Variants in COMMD10 observed in about 807,000 individuals in gnomAD.
The protein encoded by COMMD10 is COMM domain-containing protein 10.
COMMD10 carries 33 observed loss-of-function variants against 28.9 expected under a neutral mutation model. The observed-to-expected ratio is 1.14, with a 90% confidence interval of 0.87 to 1.53. The LOEUF (loss-of-function observed/expected upper bound fraction) is 1.53, where lower values mean the gene tolerates loss of function less well. Among genes scored for constraint, COMMD10 ranks in the 40% most tolerant of loss-of-function variants. The pLI, the probability that COMMD10 is intolerant of heterozygous loss-of-function variation, is 0.00. For missense variants in COMMD10, 310 were observed against 233.4 expected (o/e 1.33, Z -2.14); for synonymous variants, 110 against 81.7 (o/e 1.35, Z -1.87).
intron 5 of COMMD10, among the ~76,000 whole-genome samples, chr5:116,153,387 C>G (rs1020945705): frequency 1.3e-5 from 2 of 151,984 alleles, no homozygotes; most frequent in African/African-American, 2.4e-5. Context: ...CTCATTGTTT[C>G]TTCTGTGGAT....
At chr5:116,118,798 T>A (rs762510487) in intron 4 of COMMD10, among the ~76,000 whole-genome samples, 7 of 152,170 alleles carry the variant, frequency 4.6e-5, no homozygotes, top group Non-Finnish European at 7.3e-5. Flanking sequence ...AGAAATCAAT[T>A]TAAAAATCTT....
At position 116,216,025 on chromosome 5, in the gene COMMD10, T is replaced by C. The variant is rs139479113; in HGVS notation, c.511-75492T>C. ...GGGAAAGGAAAGGCCTTATCATTTA[T>C]AGAATTTGATATCAGGGAACAGTTG... On this transcript the variant is annotated intron_variant, in intron 5 of 6. Coordinates refer to ENST00000274458, the MANE Select transcript of COMMD10 (RefSeq NM_016144.4). 5.1e-4 allele frequency among the ~76,000 whole-genome samples: 77 copies of C among 152,226 alleles called. 4 individuals carry two copies. The East Asian group carries it at 0.012, about 24-fold the overall frequency.
At chr5:116,107,112 T>A (rs1023253622) in intron 4 of COMMD10, among the ~76,000 whole-genome samples, 2 of 152,140 alleles carry the variant, frequency 1.3e-5, no homozygotes, top group African/African-American at 4.8e-5. Context: ...CCTTAACATT[T>A]TTTCCTTTAT....
chr5:116,250,047 C>G (rs1479331704), intron 5 of COMMD10, among the ~76,000 whole-genome samples: 1 of 151,420 alleles, frequency 6.6e-6, no homozygotes, highest in East Asian at 1.9e-4. Flanking sequence ...ATTTATATTC[C>G]CTCAAACTTC....
At chr5:116,288,650 T>G (rs1357538705) in intron 5 of COMMD10, among the ~76,000 whole-genome samples, 1 of 151,764 alleles carries the variant, frequency 6.6e-6, no homozygotes, top group Non-Finnish European at 1.5e-5. Context: ...TTTTCTCCTC[T>G]GCTCAGTGAT....
At chr5:116,211,715 C>T (rs926325179) in intron 5 of COMMD10, among the ~76,000 whole-genome samples, 1 of 151,962 alleles carries the variant, frequency 6.6e-6, no homozygotes, top group Non-Finnish European at 1.5e-5. Flanking sequence ...AAGTAGATTC[C>T]AAAAAGCAAA....
intron 5 of COMMD10, among the ~76,000 whole-genome samples, chr5:116,224,593 CA>C (rs1749345154): frequency 6.6e-6 from 1 of 152,088 alleles, no homozygotes; most frequent in African/African-American, 2.4e-5. Context: ...TTTAAACAAC[CA>C]GATCTCATAT....
intron 5 of COMMD10, among the ~76,000 whole-genome samples, chr5:116,267,245 CAA>C (rs560057601): frequency 1.9e-4 from 29 of 152,024 alleles, no homozygotes; most frequent in African/African-American, 6.5e-4. Context: ...GCAACTTCAG[CAA>C]AGTCTCAGGA....
At chr5:116,284,787 T>C (rs1751174609) in intron 5 of COMMD10, among the ~76,000 whole-genome samples, 4 of 151,898 alleles carry the variant, frequency 2.6e-5, no homozygotes, top group Admixed American at 1.3e-4. Context: ...AACTATGAGT[T>C]GACTCATAGG....
intron 4 of COMMD10, among the ~76,000 whole-genome samples, chr5:116,100,552 T>C (rs999859095): frequency 4.0e-5 from 6 of 151,552 alleles, no homozygotes; most frequent in Non-Finnish European, 5.9e-5. Flanking sequence ...TTTTCAGTTT[T>C]CTCAGTACCA....
intron 5 of COMMD10, among the ~76,000 whole-genome samples, chr5:116,237,646 GA>G (rs1382582140): frequency 6.6e-6 from 1 of 151,612 alleles, no homozygotes; most frequent in African/African-American, 2.4e-5. Flanking sequence ...CCTGCTTCTA[GA>G]AAAAAAAGAG....
At chr5:116,225,873 A>C (rs1311204022) in intron 5 of COMMD10, among the ~76,000 whole-genome samples, 2 of 151,234 alleles carry the variant, frequency 1.3e-5, no homozygotes, top group Non-Finnish European at 2.9e-5. Flanking sequence ...TCATGTGTAA[A>C]TTTTGTTGTC....
intron 5 of COMMD10, among the ~76,000 whole-genome samples, chr5:116,177,390 T>G (rs1362818079): frequency 1.3e-5 from 2 of 152,172 alleles, no homozygotes; most frequent in Non-Finnish European, 2.9e-5. Context: ...GAAGCTTTTA[T>G]TATCTCCATC....
chr5:116,159,627 G>T (rs375598554), intron 5 of COMMD10, among the ~76,000 whole-genome samples: 1 of 152,162 alleles, frequency 6.6e-6, no homozygotes, highest in African/African-American at 2.4e-5. Flanking sequence ...CCCCTAAAGT[G>T]GTGCCCCAAA....
At chr5:116,191,213 G>T (rs116228217) in intron 5 of COMMD10, among the ~76,000 whole-genome samples, 2 of 152,110 alleles carry the variant, frequency 1.3e-5, no homozygotes, top group African/African-American at 4.8e-5. Flanking sequence ...GTGGCCAGAG[G>T]AGCAGGGGGC....
intron 4 of COMMD10, among the ~76,000 whole-genome samples, chr5:116,131,507 A>G (rs1444926736): frequency 6.6e-6 from 1 of 151,992 alleles, no homozygotes; most frequent in Admixed American, 6.6e-5. Flanking sequence ...AGCCAAGTGG[A>G]AATACAACTT....
At chr5:116,228,844 G>C (rs913249494) in intron 5 of COMMD10, among the ~76,000 whole-genome samples, 1 of 151,642 alleles carries the variant, frequency 6.6e-6, no homozygotes, top group African/African-American at 2.4e-5. Context: ...TTTTTCTTTT[G>C]TCATGAGCAA....
At chr5:116,089,962 C>T (rs995281786) in intron 2 of COMMD10, among the ~76,000 whole-genome samples, 1 of 152,162 alleles carries the variant, frequency 6.6e-6, no homozygotes. Context: ...TCGAGTTGGC[C>T]TTTACCTTGA....
intron 5 of COMMD10, among the ~76,000 whole-genome samples, chr5:116,280,838 A>G (rs868175854): frequency 3.3e-5 from 5 of 151,882 alleles, no homozygotes; most frequent in South Asian, 2.1e-4. Context: ...ATCTGTAGAC[A>G]TATTTAATAA....
Sources: gnomAD v4.1 joint callset for allele counts (sites outside exome capture counted in the v4.1 genomes callset) on GRCh38, gnomAD v4.1.1 for gene constraint, MANE v1.5 for transcripts, NCBI Gene and HGNC (gene_info 2026-07-23, HGNC 2026-07-21) for gene names.